AGBL4: variants seen among roughly 807,000 people sequenced by gnomAD.
AGBL4 encodes AGBL carboxypeptidase 4.
AGBL4 carries 58 observed loss-of-function variants against 66.4 expected under a neutral mutation model. The observed-to-expected ratio is 0.87, with a 90% confidence interval of 0.71 to 1.09. AGBL4 has a LOEUF of 1.09. Among genes scored for constraint, AGBL4 ranks in the 50% least tolerant of loss-of-function variants. The pLI is 0.00. For missense variants in AGBL4, 579 were observed against 631.0 expected, an observed-to-expected ratio of 0.92 and a Z score of 0.88; for synonymous variants, 234 against 222.9, an observed-to-expected ratio of 1.05 and a Z score of -0.44.
At chr1:49,732,087 C>T (rs1028838455) in intron 2 of AGBL4, among the ~76,000 whole-genome samples, 1 of 152,148 alleles carries the variant, frequency 6.6e-6, no homozygotes, top group Non-Finnish European at 1.5e-5. Flanking sequence ...GTGATGACCA[C>T]TTCCAGGGGT....
At chr1:49,783,872 A>G (rs909564963) in intron 2 of AGBL4, among the ~76,000 whole-genome samples, 5 of 152,192 alleles carry the variant, frequency 3.3e-5, no homozygotes, top group Admixed American at 2.6e-4. Context: ...AATAATTTAA[A>G]ATTGAAAATA....
chr1:49,812,194 G>A (rs1035817815), intron 2 of AGBL4, among the ~76,000 whole-genome samples: 6 of 152,140 alleles, frequency 3.9e-5, no homozygotes, highest in Non-Finnish European at 8.8e-5. Context: ...TACATTCACT[G>A]TGCTGCTTAC....
intron 4 of AGBL4, among the ~76,000 whole-genome samples, chr1:49,061,972 C>T (rs182501535): frequency 6.6e-6 from 1 of 152,248 alleles, no homozygotes; most frequent in Non-Finnish European, 1.5e-5. Context: ...GAGCTGTGGG[C>T]GAGCAAGCGT....
intron 4 of AGBL4, among the ~76,000 whole-genome samples, chr1:49,046,554 C>T (rs74513229): frequency 0.044 from 6,622 of 152,188 alleles, 179 homozygotes; most frequent in East Asian, 0.074. Context: ...TCATAGTTTC[C>T]ATAATGTCTT....
intron 3 of AGBL4, among the ~76,000 whole-genome samples, chr1:49,409,287 T>C (rs1247819881): frequency 6.6e-6 from 1 of 152,182 alleles, no homozygotes; most frequent in Middle Eastern, 3.2e-3. Context: ...AGCTAGTGCC[T>C]ATTTTTTAAC....
At chr1:48,639,493 C>G (rs925898157) in intron 8 of AGBL4, among the ~76,000 whole-genome samples, 6 of 152,176 alleles carry the variant, frequency 3.9e-5, no homozygotes, top group Admixed American at 2.0e-4. Flanking sequence ...TCGGCTCTCT[C>G]AATATATGAT....
intron 3 of AGBL4, among the ~76,000 whole-genome samples, chr1:49,421,668 G>A (rs939849258): frequency 6.6e-6 from 1 of 152,066 alleles, no homozygotes; most frequent in African/African-American, 2.4e-5. Flanking sequence ...TGCCAGGCAT[G>A]GTGTTAAATA....
At chr1:49,288,355 AAAGTAT>A (rs1414603302) in intron 3 of AGBL4, among the ~76,000 whole-genome samples, 6 of 151,170 alleles carry the variant, frequency 4.0e-5, no homozygotes. Context: ...CCTAAAATTT[AAAGTAT>A]AATAAAAAAA....
chr1:49,119,852 T>C (rs1225376031), intron 4 of AGBL4, among the ~76,000 whole-genome samples: 1 of 152,200 alleles, frequency 6.6e-6, no homozygotes, highest in Non-Finnish European at 1.5e-5. Flanking sequence ...CCTTTATGAA[T>C]CTGGGTGCTC....
rs572775804 is a variant in AGBL4 at position 48,811,072 on chromosome 1, A to T, written c.634+56119T>A. On this transcript the variant is annotated intron_variant, in intron 6 of 13. Transcript: ENST00000371839. ...GAAAGTATCAGGAATAAACAAGAGC[A>T]CATGTGGCACAGCATTCCTCTCTCT... Among the ~76,000 whole-genome samples, 94 of 151,690 alleles carry T rather than the reference A, an allele frequency of 6.2e-4. 1 individual carries two copies. Among genetic ancestry groups the T allele is most frequent in the African/African-American group, 2.2e-3 (92 of 41,370 alleles).
At chr1:49,255,166 A>G (rs1652377800) in intron 3 of AGBL4, among the ~76,000 whole-genome samples, 1 of 152,220 alleles carries the variant, frequency 6.6e-6, no homozygotes, top group African/African-American at 2.4e-5. Context: ...GATAAATGGC[A>G]TCTAATTAAA....
chr1:48,949,536 G>A (rs149858979), intron 5 of AGBL4, among the ~76,000 whole-genome samples: 5 of 152,302 alleles, frequency 3.3e-5, no homozygotes, highest in African/African-American at 1.2e-4. Flanking sequence ...GAACAGAGGA[G>A]CCTCCAAAGA....
intron 3 of AGBL4, among the ~76,000 whole-genome samples, chr1:49,278,517 C>CT (rs1448015233): frequency 1.3e-5 from 2 of 152,166 alleles, no homozygotes; most frequent in African/African-American, 4.8e-5. Context: ...TCATCAGGTA[C>CT]TGTCAGACCA....
chr1:49,591,134 A>T (rs944555958), intron 3 of AGBL4, among the ~76,000 whole-genome samples: 1 of 152,102 alleles, frequency 6.6e-6, no homozygotes, highest in African/African-American at 2.4e-5. Flanking sequence ...TCAATCTAAC[A>T]TAAAAAGGTA....
chr1:49,315,396 G>T (rs1315018896), intron 3 of AGBL4, among the ~76,000 whole-genome samples: 1 of 152,124 alleles, frequency 6.6e-6, no homozygotes, highest in African/African-American at 2.4e-5. Context: ...TGACAAATGG[G>T]ATCTAGTTAA....
chr1:49,059,659 C>T (rs1334390631), intron 4 of AGBL4, among the ~76,000 whole-genome samples: 1 of 152,168 alleles, frequency 6.6e-6, no homozygotes, highest in Non-Finnish European at 1.5e-5. Flanking sequence ...CCTGTTAAAG[C>T]AGCCAGGAGG....
chr1:49,501,655 T>A (rs747493829), intron 3 of AGBL4, among the ~76,000 whole-genome samples: 1 of 152,046 alleles, frequency 6.6e-6, no homozygotes, highest in Admixed American at 6.6e-5. Flanking sequence ...TATATTTTTA[T>A]CTTTATTATT....
chr1:48,915,789 G>T (rs1010483735), intron 5 of AGBL4, among the ~76,000 whole-genome samples: 2 of 152,196 alleles, frequency 1.3e-5, no homozygotes, highest in African/African-American at 4.8e-5. Context: ...GGATTTCTCT[G>T]TGAGAAACAA....
chr1:49,135,307 A>G (rs1040230838), intron 4 of AGBL4, among the ~76,000 whole-genome samples: 1 of 152,156 alleles, frequency 6.6e-6, no homozygotes, highest in African/African-American at 2.4e-5. Context: ...AACCCAGAGT[A>G]TTTTTATAAT....
Sources: gnomAD v4.1 joint callset for allele counts (sites outside exome capture counted in the v4.1 genomes callset) on GRCh38, gnomAD v4.1.1 for gene constraint, MANE v1.5 for transcripts, NCBI Gene and HGNC (gene_info 2026-07-23, HGNC 2026-07-21) for gene names.